The following PLCL1 variants were observed in gnomAD, a reference collection of about 807,000 sequenced individuals.
PLCL1 encodes phospholipase C like 1 (inactive), also known as inactive phospholipase C-like protein 1.
Under a neutral mutation model 84.4 loss-of-function variants are expected in PLCL1, and 41 were observed. The observed-to-expected ratio is 0.49, with a 90% CI of 0.38 to 0.63. The LOEUF (loss-of-function observed/expected upper bound fraction) is 0.63, where lower values mean the gene tolerates loss of function less well. PLCL1 is among the 30% of genes least tolerant of loss of function. The pLI is 0.00. For synonymous variants in PLCL1, 490 were observed against 488.3 expected (o/e 1.00, Z -0.05); for missense variants, 1,206 against 1,367.8 (o/e 0.88, Z 1.87).
rs187679901 is a variant in PLCL1 at position 197,955,989 on chromosome 2, G to C, written c.241-127769G>C. Among the ~76,000 whole-genome samples, 538 of 151,568 alleles carry C rather than the reference G, an allele frequency of 3.5e-3. 5 individuals are homozygous for C. The highest frequency in any genetic ancestry group is 5.0e-3 in the Non-Finnish European group (339 of 67,866). On this transcript the variant is annotated intron_variant, in intron 1 of 5. Coordinates refer to ENST00000428675, the MANE Select transcript of PLCL1 (RefSeq NM_006226.4). ...TCCCCTTGCCCCCCATCCTCTGACA[G>C]GCCCCGGTGTGTGATGTTCCCCTCC...
chr2:198,095,486 ATGGAGATGTTTAATT>A (rs1334372831), intron 3 of PLCL1, among the ~76,000 whole-genome samples: 2 of 152,236 alleles, frequency 1.3e-5, no homozygotes, highest in Non-Finnish European at 2.9e-5. Context: ...TAGCCAGAAA[ATGGAGATGTTTAATT>A]TGATAAACAT....
At chr2:198,075,959 G>C in intron 1 of PLCL1, among the ~76,000 whole-genome samples, 1 of 152,212 alleles carries the variant, frequency 6.6e-6, no homozygotes, top group Non-Finnish European at 1.5e-5. Context: ...TAATCCATTG[G>C]ATGTGTATAA....
At position 197,925,764 on chromosome 2, in the gene PLCL1, C is replaced by T. The variant is rs887127706; in HGVS notation, c.240+120425C>T. ...TCCCTCCCTCCCTCCCTCAGACCTC[C>T]TCTACACCAGAGCCTCCTGCCAAAC... On this transcript the variant is annotated intron_variant, in intron 1 of 5. Transcript: ENST00000428675. Among the ~76,000 whole-genome samples the T allele has an allele frequency of 2.6e-5, 4 of 151,554 alleles. No homozygotes were observed. In the East Asian group the frequency reaches 7.8e-4, roughly 29 times the overall value.
intron 1 of PLCL1, among the ~76,000 whole-genome samples, chr2:198,025,172 T>C (rs58111212): frequency 0.2 from 30,887 of 152,090 alleles, 3,243 homozygotes; most frequent in East Asian, 0.26. Flanking sequence ...GGAGTATTCA[T>C]TCCTGTCTGT....
At chr2:197,894,018 GC>G (rs1208135479) in intron 1 of PLCL1, among the ~76,000 whole-genome samples, 1 of 151,830 alleles carries the variant, frequency 6.6e-6, no homozygotes, top group Admixed American at 6.6e-5. Context: ...GAGTGTGTGT[GC>G]AGTAAGGGGT....
intron 5 of PLCL1, among the ~76,000 whole-genome samples, chr2:198,108,812 C>T (rs1025125826): frequency 3.3e-5 from 5 of 151,788 alleles, no homozygotes; most frequent in Admixed American, 2.6e-4. Flanking sequence ...ACTTGTTTAG[C>T]GTATCTTTTG....
intron 1 of PLCL1, among the ~76,000 whole-genome samples, chr2:198,017,193 A>G (rs1691018706): frequency 6.6e-6 from 1 of 152,196 alleles, no homozygotes; most frequent in Non-Finnish European, 1.5e-5. Flanking sequence ...ATGCTCCAAA[A>G]ACACAACAGG....
At chr2:197,891,402 G>A (rs1688024722) in intron 1 of PLCL1, among the ~76,000 whole-genome samples, 1 of 152,132 alleles carries the variant, frequency 6.6e-6, no homozygotes, top group South Asian at 2.1e-4. Context: ...CTCCCAGAGA[G>A]CATGATTCAG....
At chr2:197,911,987 T>C (rs1394701140) in intron 1 of PLCL1, among the ~76,000 whole-genome samples, 1 of 152,190 alleles carries the variant, frequency 6.6e-6, no homozygotes, top group East Asian at 1.9e-4. Context: ...GCTTCCAGGA[T>C]TATTTTCTAA....
rs75274439 is a variant in PLCL1 at position 198,025,573 on chromosome 2, A to T, written c.241-58185A>T. Among the ~76,000 whole-genome samples, 71 of 152,284 alleles carry T rather than the reference A, an allele frequency of 4.7e-4. No homozygotes were observed. The East Asian group carries it at 0.013, about 27-fold the overall frequency. ...GATCAGGTAATCTGAATGTCTGTCC[A>T]TTGGTGGTTATATGTCTCTTGGAGA... is the stretch of plus-strand genomic sequence containing the variant. On this transcript the variant is annotated intron_variant, in intron 1 of 5. Coordinates refer to ENST00000428675, the MANE Select transcript of PLCL1 (RefSeq NM_006226.4).
chr2:198,121,446 AG>A (rs1465258560), intron 5 of PLCL1, among the ~76,000 whole-genome samples: 2 of 151,944 alleles, frequency 1.3e-5, no homozygotes, highest in Non-Finnish European at 2.9e-5. Context: ...TCATAGTTTG[AG>A]GGCTTATATT....
At position 197,804,915 on chromosome 2, in the gene PLCL1, C is replaced by A; in HGVS notation, c.-185C>A. On this transcript the variant is annotated 5_prime_UTR_variant, in exon 1 of 6. Transcript: ENST00000428675. ...GACCGAAGCCCGAGGACGTCTCTGC[C>A]CGAGCGATGTCCCCTCTCCAGAAAG... 1.7e-6 allele frequency: 1 copy of A among 585,072 alleles called. No homozygotes were observed. The highest frequency in any genetic ancestry group is 3.6e-5 in the East Asian group (1 of 27,814). The allele number at this position is 585,072 out of a possible 1,614,324, so 36.2% of individuals were successfully genotyped here. A position where few individuals can be genotyped will look rare whatever the true frequency, so the allele number is the denominator to read the frequency against.
chr2:198,114,971 A>G (rs1693709852), intron 5 of PLCL1, among the ~76,000 whole-genome samples: 1 of 151,862 alleles, frequency 6.6e-6, no homozygotes, highest in Non-Finnish European at 1.5e-5. Context: ...AACTATTGTA[A>G]TGGGGAGAAT....
In PLCL1 at chr2:197,804,990, C is replaced by A. The variant is rs1690435330; in HGVS notation, c.-110C>A. 1 of 1,308,728 alleles carries A rather than the reference C, an allele frequency of 7.6e-7. No homozygotes were observed. The highest frequency in any genetic ancestry group is 1.0e-6 in the Non-Finnish European group (1 of 999,544). 81.1% of individuals were successfully genotyped at this position (1,308,728 alleles called of 1,614,324 possible). A position where few individuals can be genotyped will look rare whatever the true frequency, so the allele number is the denominator to read the frequency against. On this transcript the variant is annotated 5_prime_UTR_variant, in exon 1 of 6. Coordinates refer to ENST00000428675, the MANE Select transcript of PLCL1 (RefSeq NM_006226.4). ...CCACTGCCGCCGCTGGGCGGTGAAACAAAGTCTGGCGGGGCCGCCTCCCGG... is the reference window on the plus strand; with the variant it reads ...CCACTGCCGCCGCTGGGCGGTGAAAAAAAGTCTGGCGGGGCCGCCTCCCGG...
At chr2:198,014,646 A>T (rs747832460) in intron 1 of PLCL1, among the ~76,000 whole-genome samples, 1 of 152,106 alleles carries the variant, frequency 6.6e-6, no homozygotes, top group East Asian at 1.9e-4. Context: ...TTTTAAATAG[A>T]TAATATGCAA....
chr2:197,883,098 T>G (rs2105717035), intron 1 of PLCL1, among the ~76,000 whole-genome samples: 1 of 152,268 alleles, frequency 6.6e-6, no homozygotes, highest in South Asian at 2.1e-4. Context: ...TTGCAGATGT[T>G]CTATATCTTG....
At chr2:197,832,868 A>C (rs1345911903) in intron 1 of PLCL1, among the ~76,000 whole-genome samples, 4 of 152,274 alleles carry the variant, frequency 2.6e-5, no homozygotes, top group Non-Finnish European at 1.5e-5. Flanking sequence ...CAATAAATGT[A>C]ATCCATCACA....
intron 1 of PLCL1, among the ~76,000 whole-genome samples, chr2:198,023,333 G>A (rs531169302): frequency 6.6e-6 from 1 of 152,176 alleles, no homozygotes; most frequent in East Asian, 1.9e-4. Flanking sequence ...CAGGACATAA[G>A]CATGGGCAAA....
chr2:197,868,705 CT>C (rs959622220), intron 1 of PLCL1, among the ~76,000 whole-genome samples: 130 of 139,200 alleles, frequency 9.3e-4, no homozygotes, highest in East Asian at 1.0e-3. Flanking sequence ...TAAGGTCTCG[CT>C]TTTTTTTTTT....
Sources: allele counts gnomAD v4.1 joint callset (sites outside exome capture counted in the v4.1 genomes callset), GRCh38; gene constraint gnomAD v4.1.1; transcripts MANE v1.5; gene names NCBI Gene and HGNC (gene_info 2026-07-23, HGNC 2026-07-21).